Variants in CALN1 observed in about 807,000 individuals in gnomAD.
CALN1 encodes calcium-binding protein 8.
A neutral mutation model predicts 30.6 loss-of-function variants in CALN1; 17 were observed. That is an observed-to-expected ratio of 0.56 (90% CI 0.38 to 0.83). The LOEUF (loss-of-function observed/expected upper bound fraction) is 0.83, where lower values mean the gene tolerates loss of function less well. Ranked by LOEUF, CALN1 falls within the 40% of genes least tolerant of loss-of-function variation. The pLI is 0.00. For synonymous variants in CALN1, 156 were observed against 131.4 expected (o/e 1.19, Z -1.28); for missense variants, 291 against 354.9 (o/e 0.82, Z 1.45).
intron 5 of CALN1, among the ~76,000 whole-genome samples, chr7:71,895,963 T>C (rs1278690460): frequency 6.6e-6 from 1 of 152,200 alleles, no homozygotes; most frequent in East Asian, 1.9e-4. Context: ...GGAACCACAC[T>C]GGCCACAGAA....
intron 2 of CALN1, among the ~76,000 whole-genome samples, chr7:72,375,204 C>T (rs1030203265): frequency 5.3e-5 from 8 of 152,088 alleles, no homozygotes; most frequent in Non-Finnish European, 8.8e-5. Flanking sequence ...TCTTTTCTCA[C>T]GGTCTCAAAA....
At chr7:72,404,025 A>G (rs1806531755) in intron 1 of CALN1, among the ~76,000 whole-genome samples, 1 of 152,166 alleles carries the variant, frequency 6.6e-6, no homozygotes, top group Non-Finnish European at 1.5e-5. Flanking sequence ...CAACCCATGC[A>G]TATGGAATCT....
chr7:72,225,616 C>T (rs1914391), intron 3 of CALN1, among the ~76,000 whole-genome samples: 56,993 of 151,858 alleles, frequency 0.38, 11,335 homozygotes, highest in Middle Eastern at 0.55. Flanking sequence ...GCGAAGCCCT[C>T]GGCGCTACCT....
intron 3 of CALN1, among the ~76,000 whole-genome samples, chr7:72,269,378 G>GC (rs2129553336): frequency 6.6e-6 from 1 of 151,888 alleles, no homozygotes; most frequent in Non-Finnish European, 1.5e-5. Context: ...TCCACAACAG[G>GC]CCCCAGTGTG....
chr7:71,907,239 A>AACACAC lies in CALN1; in HGVS notation c.502-96753_502-96748dup, dbSNP rs71531773. Among the ~76,000 whole-genome samples the AACACAC allele has an allele frequency of 9.2e-3, 1,359 of 147,822 alleles. 9 individuals are homozygous for AACACAC. The highest frequency in any genetic ancestry group is 0.02 in the African/African-American group (806 of 40,128). On this transcript the variant is annotated intron_variant, in intron 5 of 6. Transcript: ENST00000395275. Reference sequence around the variant, plus strand: ...TACTTTTAAACAGAAATGAGGTTTAAACACACACACACACACACACACACA... The same window carrying AACACAC: ...TACTTTTAAACAGAAATGAGGTTTAAACACACACACACACACACACACACACACACA...
chr7:72,111,265 G>A (rs531362863), intron 3 of CALN1, among the ~76,000 whole-genome samples: 4 of 152,282 alleles, frequency 2.6e-5, no homozygotes, highest in Admixed American at 6.5e-5. Context: ...GAAAAGACAC[G>A]TGGCAACACG....
chr7:71,792,599 A>G (rs1786636197), intron 6 of CALN1, among the ~76,000 whole-genome samples: 1 of 152,180 alleles, frequency 6.6e-6, no homozygotes, highest in South Asian at 2.1e-4. Context: ...GCAAATGTAC[A>G]AAGATACCAA....
chr7:72,174,900 A>G (rs1789231744), intron 3 of CALN1, among the ~76,000 whole-genome samples: 2 of 150,470 alleles, frequency 1.3e-5, no homozygotes, highest in Non-Finnish European at 2.9e-5. Context: ...AGTGTACTGT[A>G]TGTAAACTAT....
chr7:72,146,751 G>A (rs1585036862), intron 3 of CALN1, among the ~76,000 whole-genome samples: 1 of 152,110 alleles, frequency 6.6e-6, no homozygotes, highest in South Asian at 2.1e-4. Flanking sequence ...AAACAGCATG[G>A]TACTGGTACC....
At position 71,825,400 on chromosome 7, in the gene CALN1, G is replaced by A. The variant is rs73360095; in HGVS notation, c.502-14908C>T. ...TTATAAGGGTTTCCCCCTTTTGCTT[G>A]TCTCTCATTCTTTTTTGCCTGAATG... On this transcript the variant is annotated intron_variant, in intron 5 of 6. Transcript: ENST00000395275. Among the ~76,000 whole-genome samples, 150 of 152,264 alleles carry A rather than the reference G, an allele frequency of 9.9e-4. 1 individual carries two copies. Among genetic ancestry groups the A allele is most frequent in the African/African-American group, 3.6e-3 (148 of 41,570 alleles).
rs1052751416 is a variant in CALN1, at chr7:72,354,519, A to C, written c.119+48732T>G. Among the ~76,000 whole-genome samples the C allele has an allele frequency of 3.3e-5, 5 of 152,188 alleles. No homozygotes were observed. In the East Asian group the frequency reaches 9.6e-4, roughly 29 times the overall value. On this transcript the variant is annotated intron_variant, in intron 2 of 6. Coordinates refer to ENST00000395275, the MANE Select transcript of CALN1 (RefSeq NM_031468.4). ...CCATTTTTTCAGAGAAGTTGGAAAGACTTTCTTTCCAACTGATTTCAAGAC... is the reference window on the plus strand; with the variant it reads ...CCATTTTTTCAGAGAAGTTGGAAAGCCTTTCTTTCCAACTGATTTCAAGAC...
intron 3 of CALN1, among the ~76,000 whole-genome samples, chr7:72,267,320 G>A (rs748316791): frequency 2.0e-5 from 3 of 152,184 alleles, no homozygotes; most frequent in Non-Finnish European, 2.9e-5. Flanking sequence ...AGAGCTTACT[G>A]CACAGAAACC....
At chr7:72,350,036 G>A (rs1327550204) in intron 2 of CALN1, among the ~76,000 whole-genome samples, 1 of 152,006 alleles carries the variant, frequency 6.6e-6, no homozygotes, top group African/African-American at 2.4e-5. Flanking sequence ...TATCTTCTAG[G>A]TTTCCTTCAA....
chr7:72,194,071 C>G (rs1319159289), intron 3 of CALN1, among the ~76,000 whole-genome samples: 2 of 152,156 alleles, frequency 1.3e-5, no homozygotes, highest in African/African-American at 2.4e-5. Flanking sequence ...AGTCATCTAA[C>G]CAAAACCCAC....
chr7:72,381,472 G>T (rs1054556968), intron 2 of CALN1, among the ~76,000 whole-genome samples: 1 of 152,190 alleles, frequency 6.6e-6, no homozygotes, highest in Non-Finnish European at 1.5e-5. Context: ...TAAAGAAAAT[G>T]TGGCACATAT....
chr7:71,845,977 T>C (rs150961648), intron 5 of CALN1, among the ~76,000 whole-genome samples: 236 of 152,134 alleles, frequency 1.6e-3, no homozygotes, highest in African/African-American at 5.5e-3. Context: ...CACTTGAACC[T>C]GGGAGGCGGA....
intron 5 of CALN1, among the ~76,000 whole-genome samples, chr7:71,829,218 C>T (rs1264432698): frequency 2.6e-5 from 4 of 152,080 alleles, no homozygotes; most frequent in Non-Finnish European, 4.4e-5. Context: ...GGGTTCACAA[C>T]CCTAAATGTA....
At chr7:72,395,198 T>C (rs1805840042) in intron 2 of CALN1, among the ~76,000 whole-genome samples, 1 of 152,224 alleles carries the variant, frequency 6.6e-6, no homozygotes, top group East Asian at 1.9e-4. Flanking sequence ...GGCACTTGAA[T>C]AAATAAGGGT....
intron 5 of CALN1, among the ~76,000 whole-genome samples, chr7:71,913,505 T>C (rs1348585303): frequency 6.6e-6 from 1 of 152,210 alleles, no homozygotes; most frequent in African/African-American, 2.4e-5. Context: ...AGAAGGATGT[T>C]GGTGGCAAAA....
Sources: gnomAD v4.1 joint callset for allele counts (sites outside exome capture counted in the v4.1 genomes callset) on GRCh38, gnomAD v4.1.1 for gene constraint, MANE v1.5 for transcripts, NCBI Gene and HGNC (gene_info 2026-07-23, HGNC 2026-07-21) for gene names.